PAK1IP1: variants seen among roughly 807,000 people sequenced by gnomAD.
PAK1IP1 encodes p21-activated protein kinase-interacting protein 1.
PAK1IP1 carries 24 observed loss-of-function variants against 42.0 expected under a neutral mutation model. The observed-to-expected ratio is 0.57, with a 90% CI of 0.41 to 0.80. The LOEUF is 0.80. Among genes scored for constraint, PAK1IP1 ranks in the 30% least tolerant of loss-of-function variants. PAK1IP1 has a pLI of 0.00. For synonymous variants in PAK1IP1, 154 were observed against 156.7 expected (o/e 0.98, Z 0.13); for missense variants, 411 against 467.9 (o/e 0.88, Z 1.12).
At chr6:10,700,972 C>G (rs1464911644) in intron 2 of PAK1IP1, among the ~76,000 whole-genome samples, 2 of 152,104 alleles carry the variant, frequency 1.3e-5, no homozygotes, top group Admixed American at 1.3e-4. Flanking sequence ...TTCTAATGCT[C>G]TCCTTCCCGC....
Position 10,709,476 on chromosome 6 carries a change from C to G in PAK1IP1, c.*24C>G. 1 of 1,505,874 alleles carries G rather than the reference C, an allele frequency of 6.6e-7. No individual in the cohort carries two copies. The highest frequency in any genetic ancestry group is 1.2e-5 in the South Asian group (1 of 84,052). The allele number at this position is 1,505,874 out of a possible 1,614,324, so 93.3% of individuals were successfully genotyped here. A position where few individuals can be genotyped will look rare whatever the true frequency, so the allele number is the denominator to read the frequency against. On this transcript the variant is annotated 3_prime_UTR_variant, in exon 10 of 10. Coordinates refer to ENST00000379568, the MANE Select transcript of PAK1IP1 (RefSeq NM_017906.3). The stretch of plus-strand genomic sequence containing the variant: ...GAATCACAGATGTCTCCTGAAAGAA[C>G]TCTTTTAGATGAAATCATTCTACTC...
At position 10,709,290 on chromosome 6, in the gene PAK1IP1, C is replaced by G; in HGVS notation, c.1017C>G (p.His339Gln). The G allele has an allele frequency of 2.5e-6, 4 of 1,613,588 alleles. No individual in the cohort carries two copies. The highest frequency in any genetic ancestry group is 3.4e-6 in the Non-Finnish European group (4 of 1,179,924). ...IGKKEPGDTV[H>Q]KEEKRSKPNT... Reference sequence around the variant, plus strand: ...AAAAGGAGCCTGGTGACACAGTGCACAAAGAAGAAAAGCGGTCAAAACCTA... The same window carrying G: ...AAAAGGAGCCTGGTGACACAGTGCAGAAAGAAGAAAAGCGGTCAAAACCTA... The change falls in exon 10 of 10, where the codon CAC (histidine) becomes CAG (glutamine). Residue 339 changes from histidine to glutamine, a missense_variant. Coordinates refer to ENST00000379568, the MANE Select transcript of PAK1IP1 (RefSeq NM_017906.3).
At position 10,695,010 on chromosome 6, in the gene PAK1IP1, G is replaced by A. The variant is rs371781516; in HGVS notation, c.25G>A (p.Glu9Lys). ...AATGGAGCTGGTCGCTGGTTGCTAC[G>A]AGCAGGTCCTCTTTGGGTTCGCTGT... Reference protein sequence around the residue: MELVAGCYEQVLFGFAVHP... With the variant: MELVAGCYKQVLFGFAVHP... The change falls in exon 1 of 10, where the codon GAG becomes AAG. Residue 9 changes from glutamate (E) to lysine (K), a missense_variant. Coordinates refer to ENST00000379568, the MANE Select transcript of PAK1IP1 (RefSeq NM_017906.3). The A allele has an allele frequency of 8.7e-6, 14 of 1,601,176 alleles. No homozygotes were observed. Among genetic ancestry groups the A allele is most frequent in the Non-Finnish European group, 1.2e-5 (14 of 1,179,280 alleles).
chr6:10,694,598 A>ATTGTGT, upstream of PAK1IP1: 4 of 172,160 alleles, frequency 2.3e-5, no homozygotes, highest in Non-Finnish European at 3.8e-5. Context: ...TACAGCCCCT[A>ATTGTGT]AGCAACCGGC....
In PAK1IP1 at chr6:10,707,400, A is replaced by G. The variant is rs1442688128; in HGVS notation, c.741-15A>G. ...GAGGAAAAGATCTTTTATGGTGTTA[A>G]TATTTCTATCCTAGGGTAAAGGACA... On this transcript the variant is annotated splice_polypyrimidine_tract_variant and intron_variant, in intron 7 of 9. Transcript: ENST00000379568. The G allele has an allele frequency of 7.1e-7, 1 of 1,404,062 alleles. No individual in the cohort carries two copies. The highest frequency in any genetic ancestry group is 1.0e-6 in the Non-Finnish European group (1 of 988,610). 87.0% of individuals were successfully genotyped at this position (1,404,062 alleles called of 1,614,324 possible).
chr6:10,698,582 A>G (rs1179949197), intron 2 of PAK1IP1, among the ~76,000 whole-genome samples: 1 of 141,954 alleles, frequency 7.0e-6, no homozygotes, highest in Admixed American at 6.9e-5. Context: ...TGAGAGAGCC[A>G]GTTAGAGACT....
In PAK1IP1 at chr6:10,708,866, A is replaced by G; in HGVS notation, c.841-87A>G. ...TATCATATTTTGTACTCAAGAAAAT[A>G]CAGGAAGTTTTAAATTAAGGTAACT... On this transcript the variant is annotated intron_variant, in intron 8 of 9. Transcript: ENST00000379568. 2.8e-6 allele frequency: 3 copies of G among 1,079,924 alleles called. 1 individual carries two copies. The highest frequency in any genetic ancestry group is 3.0e-5 in the South Asian group (2 of 66,620). The allele number at this position is 1,079,924 out of a possible 1,614,324, so 66.9% of individuals were successfully genotyped here.
chr6:10,691,399 G>T (rs755980237), upstream of PAK1IP1, among the ~76,000 whole-genome samples: 1 of 150,276 alleles, frequency 6.7e-6, no homozygotes, highest in East Asian at 1.9e-4. Context: ...CTGAGCAAGC[G>T]GGGGTACATG....
chr6:10,694,684 A>G, upstream of PAK1IP1: 1 of 314,316 alleles, frequency 3.2e-6, no homozygotes, highest in Non-Finnish European at 6.0e-6. Context: ...CGCTCCCTTC[A>G]GACGGGCGTA....
At chr6:10,694,597 T>TGTG, upstream of PAK1IP1, 5 of 195,442 alleles carry the variant, frequency 2.6e-5, no homozygotes, top group South Asian at 2.2e-4. Flanking sequence ...CTACAGCCCC[T>TGTG]AAGCAACCGG....
chr6:10,703,029 T>A (rs1770083554), intron 4 of PAK1IP1, among the ~76,000 whole-genome samples: 1 of 151,974 alleles, frequency 6.6e-6, no homozygotes, highest in South Asian at 2.1e-4. Context: ...ATGGTCTTGA[T>A]CTCCTGACCT....
At chr6:10,692,878 T>C (rs76166886), upstream of PAK1IP1, among the ~76,000 whole-genome samples, 671 of 152,296 alleles carry the variant, frequency 4.4e-3, 4 homozygotes, top group African/African-American at 0.015. Flanking sequence ...GACTGAGAAT[T>C]AGTTTGTCAA....
At chr6:10,700,904 T>A (rs1384370950) in intron 2 of PAK1IP1, among the ~76,000 whole-genome samples, 1 of 152,114 alleles carries the variant, frequency 6.6e-6, no homozygotes, top group Non-Finnish European at 1.5e-5. Context: ...CCATGGTGGT[T>A]TGCTTTACAG....
Position 10,708,960 on chromosome 6 carries a change from C to A in PAK1IP1, c.848C>A (p.Pro283His). ...TTTGTTTCTTCTGTTTAGAAAGTTC[C>A]CCCATCTTTACTCTGTGAAATAAAC... Reference protein sequence around the residue: ...MWKLKQDKKVPPSLLCEINTN... With the variant: ...MWKLKQDKKVHPSLLCEINTN... Residue 283 changes from proline to histidine, a missense_variant, in exon 9 of 10, where the codon CCC becomes CAC. By Grantham distance (77) the Pro-to-His change is moderately conservative. Transcript: ENST00000379568. 1 of 1,604,482 alleles carries A rather than the reference C, an allele frequency of 6.2e-7. No homozygotes were observed. The highest frequency in any genetic ancestry group is 8.5e-7 in the Non-Finnish European group (1 of 1,175,078).
chr6:10,702,676 G>A lies in PAK1IP1; in HGVS notation c.443+37G>A, dbSNP rs191471387. 3.2e-3 allele frequency: 4,558 copies of A among 1,436,358 alleles called. 11 individuals are homozygous for A. The highest frequency in any genetic ancestry group is 3.9e-3 in the Non-Finnish European group (3,963 of 1,018,128). 89.0% of individuals were successfully genotyped at this position (1,436,358 alleles called of 1,614,324 possible). A position where few individuals can be genotyped will look rare whatever the true frequency, so the allele number is the denominator to read the frequency against. On this transcript the variant is annotated intron_variant, in intron 4 of 9. Coordinates refer to ENST00000379568, the MANE Select transcript of PAK1IP1 (RefSeq NM_017906.3). ...ATGCTCAAGAGCATTTATCTAAGGT[G>A]TGTGTTTTACTACAGCTCTCCACCA...
upstream of PAK1IP1, among the ~76,000 whole-genome samples, chr6:10,691,353 A>C (rs1581567077): frequency 6.6e-6 from 1 of 151,826 alleles, no homozygotes; most frequent in African/African-American, 2.4e-5. Context: ...AGGGCTTACA[A>C]CTCTAAGGAG....
At chr6:10,701,625 T>C (rs1427412079) in intron 2 of PAK1IP1, among the ~76,000 whole-genome samples, 3 of 152,154 alleles carry the variant, frequency 2.0e-5, no homozygotes, top group African/African-American at 7.2e-5. Flanking sequence ...TGGAAATGGA[T>C]CAAAACAGAT....
chr6:10,706,974 T>C (rs1770221971), intron 7 of PAK1IP1, among the ~76,000 whole-genome samples: 1 of 151,726 alleles, frequency 6.6e-6, no homozygotes, highest in Non-Finnish European at 1.5e-5. Context: ...GCTACTTCTG[T>C]GATCCAGAGG....
chr6:10,701,013 T>A (rs549405076), intron 2 of PAK1IP1, among the ~76,000 whole-genome samples: 1 of 152,186 alleles, frequency 6.6e-6, no homozygotes, highest in South Asian at 2.1e-4. Flanking sequence ...CCCCAGTGTG[T>A]GTTGTTTTTC....
Sources: gnomAD v4.1 joint callset for allele counts (sites outside exome capture counted in the v4.1 genomes callset) on GRCh38, gnomAD v4.1.1 for gene constraint, MANE v1.5 for transcripts, NCBI Gene and HGNC (gene_info 2026-07-23, HGNC 2026-07-21) for gene names.